The following AGBL1 variants were observed in gnomAD, a reference collection of about 807,000 sequenced individuals.
AGBL1 encodes the protein AGBL carboxypeptidase 1.
A neutral mutation model predicts 118.9 loss-of-function variants in AGBL1; 130 were observed. That is an observed-to-expected ratio of 1.09 (90% CI 0.95 to 1.26). AGBL1 has a LOEUF of 1.26. Among genes scored for constraint, AGBL1 ranks in the 50% most tolerant of loss-of-function variants. The probability of loss-of-function intolerance (pLI) is 0.00; values close to 1 mark genes in which losing one functional copy is unlikely to be tolerated. For synonymous variants in AGBL1, 555 were observed against 478.9 expected, an observed-to-expected ratio of 1.16 and a Z score of -2.08; for missense variants, 1,584 against 1,298.1, an observed-to-expected ratio of 1.22 and a Z score of -3.38.
chr15:86,708,155 C>A (rs2086486508), intron 22 of AGBL1, among the ~76,000 whole-genome samples: 1 of 152,022 alleles, frequency 6.6e-6, no homozygotes, highest in South Asian at 2.1e-4. Flanking sequence ...TCTCCTCTCT[C>A]CAAATGTAGT....
At chr15:86,284,178 A>AGATAT in intron 16 of AGBL1, among the ~76,000 whole-genome samples, 5 of 119,032 alleles carry the variant, frequency 4.2e-5, no homozygotes, top group African/African-American at 1.6e-4. Context: ...CATAATTCAT[A>AGATAT]CTAAAATTAA....
At chr15:86,169,574 C>T (rs919468735) in intron 5 of AGBL1, among the ~76,000 whole-genome samples, 3 of 152,122 alleles carry the variant, frequency 2.0e-5, no homozygotes, top group Non-Finnish European at 2.9e-5. Context: ...TTGCAATAGT[C>T]GCATATAACT....
At chr15:86,189,723 C>T (rs1457467902) in intron 5 of AGBL1, among the ~76,000 whole-genome samples, 1 of 152,214 alleles carries the variant, frequency 6.6e-6, no homozygotes, top group African/African-American at 2.4e-5. Context: ...TCACCAGAAG[C>T]AGATGCCGGT....
intron 1 of AGBL1, among the ~76,000 whole-genome samples, chr15:86,098,065 T>C (rs1896491004): frequency 6.6e-6 from 1 of 152,152 alleles, no homozygotes; most frequent in Non-Finnish European, 1.5e-5. Context: ...TCCCTGATGT[T>C]TAGTGATGCT....
intron 21 of AGBL1, among the ~76,000 whole-genome samples, chr15:86,645,051 A>G (rs1334567819): frequency 1.3e-5 from 2 of 151,188 alleles, no homozygotes; most frequent in Admixed American, 6.6e-5. Flanking sequence ...AAACAAAAAC[A>G]AAAAAAAGGA....
At chr15:86,639,668 T>C (rs371207673) in intron 21 of AGBL1, among the ~76,000 whole-genome samples, 1 of 152,168 alleles carries the variant, frequency 6.6e-6, no homozygotes, top group Non-Finnish European at 1.5e-5. Flanking sequence ...CATCTCTAGA[T>C]GACAAATGTC....
chr15:86,747,883 G>A (rs1375674372), intron 22 of AGBL1, among the ~76,000 whole-genome samples: 2 of 152,142 alleles, frequency 1.3e-5, no homozygotes, highest in South Asian at 4.1e-4. Flanking sequence ...TATCGTTGAT[G>A]GACATTTGGG....
At chr15:86,158,316 CCT>C (rs2077220239) in intron 4 of AGBL1, among the ~76,000 whole-genome samples, 1 of 152,298 alleles carries the variant, frequency 6.6e-6, no homozygotes. Flanking sequence ...CCCTTGTTTC[CCT>C]CTCTTTGCTT....
chr15:86,587,668 T>G (rs2084272345), intron 21 of AGBL1, among the ~76,000 whole-genome samples: 1 of 152,186 alleles, frequency 6.6e-6, no homozygotes, highest in African/African-American at 2.4e-5. Context: ...AGTATATATT[T>G]TCTTTAAAAG....
chr15:86,444,022 A>T (rs1046151831), intron 18 of AGBL1, among the ~76,000 whole-genome samples: 9 of 152,268 alleles, frequency 5.9e-5, no homozygotes, highest in Admixed American at 3.3e-4. Context: ...TTATGGCGGA[A>T]TATCAGTACT....
Position 86,267,055 on chromosome 15 carries a change from G to T in AGBL1, c.1817G>T (p.Arg606Leu). The T allele has an allele frequency of 3.8e-6, 6 of 1,565,710 alleles. No homozygotes were observed. Among genetic ancestry groups the T allele is most frequent in the Admixed American group, 3.8e-5 (2 of 53,166 alleles). The change falls in exon 13 of 23, where the codon CGC (arginine) becomes CTC (leucine). Residue 606 changes from arginine to leucine, a missense_variant. Coordinates refer to ENST00000614907, the MANE Select transcript of AGBL1 (RefSeq NM_001386094.1). ...FFSKFESGNL[R>L]KAIQVREFEY... is the part of the protein sequence containing the mutation. ...TCCAAATTTGAGTCAGGAAATCTTCGCAAAGCCATCCAAGTGCGTGAGTAA... is the reference window on the plus strand; with the variant it reads ...TCCAAATTTGAGTCAGGAAATCTTCTCAAAGCCATCCAAGTGCGTGAGTAA...
chr15:86,101,805 T>G (rs976242125), intron 1 of AGBL1, among the ~76,000 whole-genome samples: 3 of 152,194 alleles, frequency 2.0e-5, no homozygotes, highest in African/African-American at 7.2e-5. Flanking sequence ...TATAGTTCAG[T>G]GTTTTCTAAA....
intron 22 of AGBL1, among the ~76,000 whole-genome samples, chr15:86,696,622 G>A (rs778630798): frequency 4.6e-5 from 7 of 151,554 alleles, no homozygotes; most frequent in East Asian, 1.9e-4. Flanking sequence ...GTACTATTCC[G>A]TTCATTGGGC....
At chr15:86,878,402 A>G (rs999981407) in intron 22 of AGBL1, among the ~76,000 whole-genome samples, 3 of 152,162 alleles carry the variant, frequency 2.0e-5, no homozygotes, top group African/African-American at 7.2e-5. Context: ...GGCCAGATTT[A>G]TGTTGCAGAA....
intron 21 of AGBL1, among the ~76,000 whole-genome samples, chr15:86,606,126 C>CAAAAAAAAAAAAAAAAAA (rs10675845): frequency 2.1e-5 from 2 of 96,860 alleles, no homozygotes; most frequent in African/African-American, 8.6e-5. Flanking sequence ...GACTCCATCT[C>CAAAAAAAAAAAAAAAAAA]AAAAAAAAAA....
chr15:86,725,688 G>A (rs1431574582), intron 22 of AGBL1, among the ~76,000 whole-genome samples: 1 of 152,156 alleles, frequency 6.6e-6, no homozygotes, highest in East Asian at 1.9e-4. Context: ...GTAGGACATG[G>A]GGTGGTGTGA....
intron 23 of AGBL1, chr15:86,935,178 C>G (rs1211763668): frequency 2.0e-5 from 3 of 152,132 alleles, no homozygotes; most frequent in Non-Finnish European, 4.4e-5. Flanking sequence ...ACTTCTCCAT[C>G]ATGTTCTTGT....
At chr15:86,892,879 G>T (rs2080070784) in intron 22 of AGBL1, among the ~76,000 whole-genome samples, 2 of 152,202 alleles carry the variant, frequency 1.3e-5, no homozygotes, top group South Asian at 4.1e-4. Flanking sequence ...ACTGTCCCGG[G>T]TGATGATGGT....
intron 1 of AGBL1, among the ~76,000 whole-genome samples, chr15:86,098,090 A>G (rs1896491972): frequency 6.6e-6 from 1 of 152,138 alleles, no homozygotes; most frequent in African/African-American, 2.4e-5. Context: ...AATTTTTCAT[A>G]TACTTGTTGA....
Sources: gnomAD v4.1 joint callset for allele counts (sites outside exome capture counted in the v4.1 genomes callset) on GRCh38, gnomAD v4.1.1 for gene constraint, MANE v1.5 for transcripts, NCBI Gene and HGNC (gene_info 2026-07-23, HGNC 2026-07-21) for gene names.